AGBL3: variants seen among roughly 807,000 people sequenced by gnomAD.
AGBL3 encodes AGBL carboxypeptidase 3.
AGBL3 carries 68 observed loss-of-function variants against 94.5 expected under a neutral mutation model. That is an observed-to-expected ratio of 0.72 (90% confidence interval 0.59 to 0.88). The LOEUF is 0.88. AGBL3 is among the 40% of genes least tolerant of loss of function. AGBL3 has a pLI of 0.00. For synonymous variants in AGBL3, 354 were observed against 370.7 expected (o/e 0.95, Z 0.52); for missense variants, 934 against 1,103.8 (o/e 0.85, Z 2.18).
chr7:135,130,661 G>A (rs1382243587), intron 16 of AGBL3, among the ~76,000 whole-genome samples: 1 of 151,882 alleles, frequency 6.6e-6, no homozygotes, highest in Non-Finnish European at 1.5e-5. Flanking sequence ...GAATGTTCTT[G>A]AATTATCTGC....
At chr7:134,989,801 CTG>C (rs1301737069) in intron 3 of AGBL3, among the ~76,000 whole-genome samples, 1 of 151,720 alleles carries the variant, frequency 6.6e-6, no homozygotes, top group Non-Finnish European at 1.5e-5. Flanking sequence ...CACAAATACT[CTG>C]AAATTGGAGT....
At chr7:135,069,370 C>A (rs1158534974) in intron 12 of AGBL3, among the ~76,000 whole-genome samples, 1 of 152,222 alleles carries the variant, frequency 6.6e-6, no homozygotes, top group Non-Finnish European at 1.5e-5. Flanking sequence ...CTGCACCAAG[C>A]AGACCTAACA....
intron 4 of AGBL3, among the ~76,000 whole-genome samples, chr7:135,008,920 TACC>T (rs1812749781): frequency 6.6e-6 from 1 of 152,174 alleles, no homozygotes; most frequent in South Asian, 2.1e-4. Context: ...TGCAAATTAA[TACC>T]ACAATAAGAT....
rs1554496091 is a variant in AGBL3 at position 135,021,063 on chromosome 7, A to AG, written c.418+3904_418+3905insG. Among the ~76,000 whole-genome samples the AG allele has an allele frequency of 2.7e-5, 4 of 150,746 alleles. No homozygotes were observed. In the East Asian group the frequency reaches 7.8e-4, roughly 29 times the overall value. On this transcript the variant is annotated intron_variant, in intron 5 of 16. Transcript: ENST00000436302. ...CCTAGAACTTAAATAATAAAAAAAA[A>AG]AAAAGACTATCCTATGACCTATTGA...
chr7:135,035,776 T>G (rs936723781), intron 7 of AGBL3, among the ~76,000 whole-genome samples: 5 of 152,142 alleles, frequency 3.3e-5, no homozygotes, highest in African/African-American at 7.2e-5. Flanking sequence ...AAGTTCCTTT[T>G]GACTTGCTTA....
At chr7:135,124,197 A>G (rs1008651166) in intron 16 of AGBL3, among the ~76,000 whole-genome samples, 5 of 149,298 alleles carry the variant, frequency 3.3e-5, no homozygotes, top group African/African-American at 4.9e-5. Flanking sequence ...GGATGGAGAA[A>G]AATTTACCAA....
intron 5 of AGBL3, among the ~76,000 whole-genome samples, chr7:135,028,760 A>G (rs1815417175): frequency 1.3e-5 from 2 of 152,234 alleles, no homozygotes; most frequent in Non-Finnish European, 2.9e-5. Flanking sequence ...TACTTTGCCC[A>G]GATCCATCAG....
chr7:135,064,014 C>T (rs944335937), intron 12 of AGBL3, among the ~76,000 whole-genome samples: 2 of 152,294 alleles, frequency 1.3e-5, no homozygotes, highest in African/African-American at 4.8e-5. Flanking sequence ...ATATTTTGCT[C>T]ATGGCCAATC....
At chr7:134,993,955 T>C (rs1256956046) in intron 4 of AGBL3, among the ~76,000 whole-genome samples, 2 of 152,244 alleles carry the variant, frequency 1.3e-5, no homozygotes, top group African/African-American at 4.8e-5. Context: ...GGTGTGCATT[T>C]ATCTTTACAG....
intron 15 of AGBL3, among the ~76,000 whole-genome samples, chr7:135,114,766 A>C (rs779475656): frequency 1.3e-5 from 2 of 152,082 alleles, no homozygotes; most frequent in Admixed American, 6.6e-5. Context: ...CCTCTCTTCA[A>C]TCTGTTCTCA....
At chr7:135,040,012 A>G (rs1369271325) in intron 8 of AGBL3, among the ~76,000 whole-genome samples, 3 of 152,136 alleles carry the variant, frequency 2.0e-5, no homozygotes, top group African/African-American at 7.2e-5. Flanking sequence ...ACTTACCAAT[A>G]TCAAGAATGA....
At chr7:135,000,573 C>A (rs904777987) in intron 4 of AGBL3, among the ~76,000 whole-genome samples, 15 of 152,200 alleles carry the variant, frequency 9.9e-5, no homozygotes, top group African/African-American at 3.6e-4. Flanking sequence ...GATTGTGAGA[C>A]TTCTCAGTCT....
intron 16 of AGBL3, chr7:135,128,898 A>C: frequency 7.0e-7 from 1 of 1,437,476 alleles, no homozygotes; most frequent in Non-Finnish European, 9.8e-7. Context: ...TCAGCAGATA[A>C]AATGCTTTAA....
chr7:135,015,339 T>C (rs1813643334), intron 4 of AGBL3, among the ~76,000 whole-genome samples: 1 of 152,188 alleles, frequency 6.6e-6, no homozygotes, highest in Non-Finnish European at 1.5e-5. Context: ...TTAAGGAATA[T>C]GTGGATAAAA....
chr7:135,021,274 A>G (rs1394498987), intron 5 of AGBL3, among the ~76,000 whole-genome samples: 2 of 151,268 alleles, frequency 1.3e-5, no homozygotes, highest in African/African-American at 2.4e-5. Flanking sequence ...TAGTGCATAT[A>G]TATTTTTCCA....
At chr7:135,021,393 G>T in intron 5 of AGBL3, among the ~76,000 whole-genome samples, 1 of 151,032 alleles carries the variant, frequency 6.6e-6, no homozygotes, top group East Asian at 2.0e-4. Context: ...CCAGGTTCAT[G>T]CCATTCTCCT....
intron 5 of AGBL3, among the ~76,000 whole-genome samples, chr7:135,019,719 T>C (rs1292852010): frequency 6.6e-6 from 1 of 152,082 alleles, no homozygotes; most frequent in Non-Finnish European, 1.5e-5. Flanking sequence ...AAAACAGAGA[T>C]ATAGACCAAT....
In AGBL3 at chr7:135,045,337, A is replaced by G. The variant is rs1817256228; in HGVS notation, c.1628-137A>G. ...AGGGAAAGCAATGAGATGTTAAATG[A>G]CCTGTCCTGAAGAAAAAAATCTAAA... On this transcript the variant is annotated intron_variant, in intron 9 of 16. Coordinates refer to ENST00000436302, the MANE Select transcript of AGBL3 (RefSeq NM_178563.4). The G allele has an allele frequency of 7.4e-6, 5 of 675,974 alleles. No homozygotes were observed. The East Asian group carries it at 1.4e-4, about 18-fold the overall frequency. The allele number at this position is 675,974 out of a possible 1,614,324, so 41.9% of individuals were successfully genotyped here.
chr7:135,026,244 A>ATTATTTTATTTTATTTTTTTTATTTATT (rs147501962), intron 5 of AGBL3, among the ~76,000 whole-genome samples: 5,111 of 81,442 alleles, frequency 0.063, 605 homozygotes, highest in East Asian at 0.16. Context: ...AATGAATACC[A>ATTATTTTATTTTATTTTTTTTATTTATT]TTATTTTATT....
Sources: allele counts gnomAD v4.1 joint callset (sites outside exome capture counted in the v4.1 genomes callset), GRCh38; gene constraint gnomAD v4.1.1; transcripts MANE v1.5; gene names NCBI Gene and HGNC (gene_info 2026-07-23, HGNC 2026-07-21).